The following PALM2AKAP2 variants were observed in gnomAD, a reference collection of about 807,000 sequenced individuals.
PALM2AKAP2 encodes PALM2-AKAP2 fusion protein.
In PALM2AKAP2, 37 loss-of-function variants were observed where a neutral mutation model predicts 71.5. That is an observed-to-expected ratio of 0.52 (90% confidence interval 0.40 to 0.68). The LOEUF (loss-of-function observed/expected upper bound fraction) is 0.68. Ranked by LOEUF, PALM2AKAP2 falls within the 30% of genes least tolerant of loss-of-function variation. The probability of loss-of-function intolerance (pLI) is 0.00; values close to 1 mark genes in which losing one functional copy is unlikely to be tolerated. For synonymous variants in PALM2AKAP2, 468 were observed against 478.8 expected, an observed-to-expected ratio of 0.98 and a Z score of 0.29; for missense variants, 1,224 against 1,191.8, an observed-to-expected ratio of 1.03 and a Z score of -0.40.
At chr9:109,685,317 C>T (rs114278876) in intron 1 of PALM2AKAP2, among the ~76,000 whole-genome samples, 79 of 152,152 alleles carry the variant, frequency 5.2e-4, no homozygotes, top group African/African-American at 1.8e-3. Context: ...CAAATTATAC[C>T]TTGAAAAAGC....
intron 1 of PALM2AKAP2, among the ~76,000 whole-genome samples, chr9:109,664,806 C>T (rs1827455287): frequency 6.6e-6 from 1 of 152,186 alleles, no homozygotes; most frequent in Admixed American, 6.5e-5. Context: ...TTCCATTCTC[C>T]CCATCACTTT....
chr9:110,143,590 CT>C, intron 2 of PALM2AKAP2, among the ~76,000 whole-genome samples: 1 of 152,244 alleles, frequency 6.6e-6, no homozygotes, highest in African/African-American at 2.4e-5. Flanking sequence ...TTTCAAATGT[CT>C]TTTCATATTG....
At chr9:109,974,566 A>G (rs887268364) in intron 6 of PALM2AKAP2, among the ~76,000 whole-genome samples, 42 of 152,188 alleles carry the variant, frequency 2.8e-4, no homozygotes, top group African/African-American at 9.6e-4. Context: ...TAGACTGCCA[A>G]CGCACGCCAC....
upstream of PALM2AKAP2, among the ~76,000 whole-genome samples, chr9:110,047,121 T>G (rs1215857329): frequency 6.6e-6 from 1 of 152,046 alleles, no homozygotes; most frequent in Non-Finnish European, 1.5e-5. Flanking sequence ...GAAGAAAAAG[T>G]TGAGTCAAGG....
chr9:109,856,053 T>C (rs966563572), intron 1 of PALM2AKAP2, among the ~76,000 whole-genome samples: 1 of 152,226 alleles, frequency 6.6e-6, no homozygotes, highest in Non-Finnish European at 1.5e-5. Context: ...GTCAAAACTC[T>C]TATTAGGTGG....
intron 1 of PALM2AKAP2, among the ~76,000 whole-genome samples, chr9:109,821,911 G>A (rs141208689): frequency 6.6e-6 from 1 of 152,308 alleles, no homozygotes; most frequent in African/African-American, 2.4e-5. Flanking sequence ...TGGGACCAAA[G>A]GAATTTTTTG....
chr9:109,780,298 C>T (rs1032176800), upstream of PALM2AKAP2: 350 of 1,272,580 alleles, frequency 2.8e-4, no homozygotes, highest in Non-Finnish European at 3.4e-4. Context: ...GGGCGGGGGC[C>T]AGAGGCTGAG....
chr9:109,855,135 C>G (rs1185205539), intron 1 of PALM2AKAP2, among the ~76,000 whole-genome samples: 1 of 151,834 alleles, frequency 6.6e-6, no homozygotes, highest in Non-Finnish European at 1.5e-5. Flanking sequence ...TGCAGTGGCA[C>G]AATCTCAGCT....
rs375624319 is a variant in PALM2AKAP2 at position 110,157,882 on chromosome 9, A to G, written c.2748+1385A>G. Among the ~76,000 whole-genome samples the G allele has an allele frequency of 6.6e-5, 10 of 152,216 alleles. No individual in the cohort carries two copies. The East Asian group carries it at 9.6e-4, about 15-fold the overall frequency. On this transcript the variant is annotated intron_variant, in intron 3 of 3. Coordinates refer to ENST00000374525, the Ensembl canonical transcript of PALM2AKAP2. Reference sequence around the variant, plus strand: ...ATGCTGAAAGTTGCTTTCAAAATATATGGCGGTAAAGAAAGGAAGAAAGCA... The same window carrying G: ...ATGCTGAAAGTTGCTTTCAAAATATGTGGCGGTAAAGAAAGGAAGAAAGCA...
chr9:109,879,097 C>T (rs1478545496), intron 2 of PALM2AKAP2, among the ~76,000 whole-genome samples: 1 of 152,160 alleles, frequency 6.6e-6, no homozygotes, highest in East Asian at 1.9e-4. Flanking sequence ...ATGCCGCATA[C>T]AAATGAGAGT....
intron 1 of PALM2AKAP2, among the ~76,000 whole-genome samples, chr9:109,815,204 C>T (rs1827822010): frequency 1.3e-5 from 2 of 151,988 alleles, no homozygotes; most frequent in South Asian, 4.2e-4. Flanking sequence ...AGTTGATAGC[C>T]ATGTTTCCAG....
chr9:109,859,229 C>T (rs78834542), intron 1 of PALM2AKAP2, among the ~76,000 whole-genome samples: 2,617 of 151,978 alleles, frequency 0.017, 87 homozygotes, highest in African/African-American at 0.06. Flanking sequence ...ACAAATGAAA[C>T]ATGAAGGTAG....
At chr9:109,971,448 C>T (rs533066647) in intron 6 of PALM2AKAP2, among the ~76,000 whole-genome samples, 1 of 152,078 alleles carries the variant, frequency 6.6e-6, no homozygotes, top group South Asian at 2.1e-4. Context: ...CAGGTCTGAA[C>T]CTGTTTTGTG....
chr9:109,946,841 AAAGATT>A (rs1327125705), intron 6 of PALM2AKAP2: 1 of 152,140 alleles, frequency 6.6e-6, no homozygotes, highest in African/African-American at 2.4e-5. Context: ...TTAAAATGAT[AAAGATT>A]AATTCTACAT....
chr9:110,002,918 C>A (rs1393191796), intron 6 of PALM2AKAP2, among the ~76,000 whole-genome samples: 1 of 152,214 alleles, frequency 6.6e-6, no homozygotes, highest in South Asian at 2.1e-4. Context: ...TGATTCTTCT[C>A]TCTTTTCTTC....
intron 1 of PALM2AKAP2, among the ~76,000 whole-genome samples, chr9:109,825,361 A>G (rs904036344): frequency 1.3e-5 from 2 of 152,236 alleles, no homozygotes; most frequent in African/African-American, 2.4e-5. Flanking sequence ...AAATTGACAA[A>G]TGGGATCTAA....
Position 110,061,650 on chromosome 9 carries a change from T to C in PALM2AKAP2, c.156+12795T>C, listed in dbSNP as rs1280808206. Reference sequence around the variant, plus strand: ...ATATATATTTATTTATATATATATGTGTGTGTGTACATATATATATGTGTA... The same window carrying C: ...ATATATATTTATTTATATATATATGCGTGTGTGTACATATATATATGTGTA... On this transcript the variant is annotated intron_variant, in intron 1 of 3. Coordinates refer to ENST00000374525, the Ensembl canonical transcript of PALM2AKAP2. 2.7e-5 allele frequency among the ~76,000 whole-genome samples: 4 copies of C among 149,102 alleles called. No homozygotes were observed. In the Admixed American group the frequency reaches 2.7e-4, roughly 10 times the overall value.
At chr9:110,002,080 C>T (rs1832691885) in intron 6 of PALM2AKAP2, among the ~76,000 whole-genome samples, 1 of 152,140 alleles carries the variant, frequency 6.6e-6, no homozygotes, top group East Asian at 1.9e-4. Context: ...AGAGGGCATC[C>T]CTGTCTTGTG....
chr9:110,041,510 G>A (rs1216701107), intron 7 of PALM2AKAP2, among the ~76,000 whole-genome samples: 3 of 152,128 alleles, frequency 2.0e-5, no homozygotes, highest in African/African-American at 7.2e-5. Flanking sequence ...AGCAGCTGCG[G>A]TGAATATAAT....
Sources: allele counts gnomAD v4.1 joint callset (sites outside exome capture counted in the v4.1 genomes callset), GRCh38; gene constraint gnomAD v4.1.1; transcripts MANE v1.5; gene names NCBI Gene and HGNC (gene_info 2026-07-23, HGNC 2026-07-21).